The following CBLIF variants were observed in gnomAD, a reference collection of about 807,000 sequenced individuals.
The protein encoded by CBLIF is cobalamin binding intrinsic factor, also known as gastric intrinsic factor (vitamin B synthesis).
A neutral mutation model predicts 44.9 loss-of-function variants in CBLIF; 24 were observed. The ratio of observed to expected loss-of-function variants is 0.53; its 90% CI spans 0.39 to 0.75. The LOEUF (loss-of-function observed/expected upper bound fraction) is 0.75. Ranked by LOEUF, CBLIF falls within the 30% of genes least tolerant of loss-of-function variation. The pLI, the probability that CBLIF is intolerant of heterozygous loss-of-function variation, is 0.00. For synonymous variants in CBLIF, 183 were observed against 190.9 expected, an observed-to-expected ratio of 0.96 and a Z score of 0.34; for missense variants, 481 against 513.0, an observed-to-expected ratio of 0.94 and a Z score of 0.60.
At chr11:59,837,415 A>G (rs2135089937) in intron 5 of CBLIF, 64 bp from the exon 6 acceptor site, 2 of 1,173,704 alleles carry the variant, frequency 1.7e-6, no homozygotes, top group Non-Finnish European at 1.3e-6. Context: ...TGGCTCTTAC[A>G]TGTCTTAAGA....
chr11:59,839,569 A>G (rs1288793200), intron 5 of CBLIF, among the ~76,000 whole-genome samples: 1 of 152,214 alleles, frequency 6.6e-6, no homozygotes, highest in African/African-American at 2.4e-5. Flanking sequence ...CTATATCAGA[A>G]TATTTTAGAT....
In CBLIF at chr11:59,835,861, C is replaced by T. The variant is rs1232879063; in HGVS notation, c.1020G>A (p.Gly340=). Residue 340 remains glycine, a synonymous_variant, in exon 7 of 9, where the codon GGG becomes GGA. Coordinates refer to ENST00000257248, the MANE Select transcript of CBLIF (RefSeq NM_005142.3). The part of the protein sequence containing the change: ...NETINVSVKS[G]SVLLVVLEEA... ...CCTCTAGGACAACAAGTAACACTGACCCACTTTTCACACTAACATTGATGG... is the reference window on the plus strand; with the variant it reads ...CCTCTAGGACAACAAGTAACACTGATCCACTTTTCACACTAACATTGATGG... The T allele has an allele frequency of 6.2e-7, 1 of 1,614,104 alleles. No individual in the cohort carries two copies. The highest frequency in any genetic ancestry group is 8.5e-7 in the Non-Finnish European group (1 of 1,179,986).
chr11:59,833,926 G>A (rs1866407981), intron 7 of CBLIF, among the ~76,000 whole-genome samples: 1 of 152,152 alleles, frequency 6.6e-6, no homozygotes, highest in Non-Finnish European at 1.5e-5. Context: ...AGAGGGGCAT[G>A]GAAAGAACAT....
At chr11:59,831,269 A>G (rs1866369608) in intron 8 of CBLIF, among the ~76,000 whole-genome samples, 1 of 152,182 alleles carries the variant, frequency 6.6e-6, no homozygotes, top group Admixed American at 6.5e-5. Flanking sequence ...AGATTTTTTT[A>G]AGAGAGAAGG....
intron 1 of CBLIF, 55 bp from the exon 2 acceptor site, chr11:59,844,110 CATT>C: frequency 7.6e-7 from 1 of 1,322,544 alleles, no homozygotes; most frequent in Non-Finnish European, 1.1e-6. Context: ...TTCTCAAAAA[CATT>C]ATCCCCGTGT....
At chr11:59,843,696 T>C (rs1866569038) in intron 2 of CBLIF, among the ~76,000 whole-genome samples, 183 bp downstream of exon 2, 1 of 152,194 alleles carries the variant, frequency 6.6e-6, no homozygotes, top group Non-Finnish European at 1.5e-5. Flanking sequence ...ACCTCCTCCA[T>C]GAATGCTCTG....
chr11:59,839,916 A>C (rs1565209236), intron 5 of CBLIF, among the ~76,000 whole-genome samples: 1 of 151,932 alleles, frequency 6.6e-6, no homozygotes, highest in Admixed American at 6.6e-5. Flanking sequence ...TCCCCAAACC[A>C]TCTTTTATAT....
chr11:59,842,612 G>T, intron 3 of CBLIF, 29 bp from the exon 4 acceptor site: 1 of 1,609,216 alleles, frequency 6.2e-7, no homozygotes, highest in South Asian at 1.1e-5. Flanking sequence ...ACCTTCATCA[G>T]ACTCACAGTC....
At chr11:59,834,620 T>C (rs1866429672) in intron 7 of CBLIF, among the ~76,000 whole-genome samples, 1 of 151,876 alleles carries the variant, frequency 6.6e-6, no homozygotes, top group African/African-American at 2.4e-5. Context: ...CTCGAACTCC[T>C]ACCCTCAACT....
rs1866466592 is a variant in CBLIF at position 59,837,184 on chromosome 11, A to G, written c.861T>C (p.Thr287=). 1 of 1,613,188 alleles carries G rather than the reference A, an allele frequency of 6.2e-7. No homozygotes were observed. The highest frequency in any genetic ancestry group is 8.5e-7 in the Non-Finnish European group (1 of 1,179,110). The part of the protein sequence containing the change: ...GKTYLDVPQV[T]CSPDHEVQPT... Reference sequence around the variant, plus strand: ...AGGTGGATGTCTTACCAGGACTACAAGTGACCTGGGGCACATCTAGGTATG... The same window carrying G: ...AGGTGGATGTCTTACCAGGACTACAGGTGACCTGGGGCACATCTAGGTATG... Residue 287 remains threonine (T), a synonymous_variant, in exon 6 of 9, where the codon ACT becomes ACC. Transcript: ENST00000257248.
chr11:59,841,391 A>G, intron 4 of CBLIF, 67 bp from the exon 5 acceptor site: 2 of 1,074,272 alleles, frequency 1.9e-6, no homozygotes. Flanking sequence ...GCTAACATTT[A>G]TTGTGTGCTT....
intron 8 of CBLIF, among the ~76,000 whole-genome samples, chr11:59,830,886 A>G (rs1866364239): frequency 6.6e-6 from 1 of 152,194 alleles, no homozygotes; most frequent in Admixed American, 6.5e-5. Flanking sequence ...ATGCTTTGCT[A>G]CAACTCCACA....
At position 59,837,185 on chromosome 11, in the gene CBLIF, G is replaced by A; in HGVS notation, c.860C>T (p.Thr287Ile). The A allele has an allele frequency of 2.5e-6, 4 of 1,613,262 alleles. 1 individual carries two copies. In the South Asian group the frequency reaches 3.3e-5, roughly 13 times the overall value. The change falls in exon 6 of 9, where the codon ACT becomes ATT. Residue 287 changes from threonine (T) to isoleucine (I), a missense_variant. Thr to Ile is a moderately conservative substitution (Grantham distance 89). Transcript: ENST00000257248. ...GKTYLDVPQVTCSPDHEVQPT... is the reference protein window; with the variant it reads ...GKTYLDVPQVICSPDHEVQPT... ...GGTGGATGTCTTACCAGGACTACAA[G>A]TGACCTGGGGCACATCTAGGTATGT...
At chr11:59,831,982 C>A (rs1866381030) in intron 7 of CBLIF, among the ~76,000 whole-genome samples, 186 bp from the exon 8 acceptor site, 1 of 152,134 alleles carries the variant, frequency 6.6e-6, no homozygotes, top group South Asian at 2.1e-4. Context: ...TGGGCTCAAG[C>A]ATCCACCCGC....
In CBLIF at chr11:59,837,075, A is replaced by G; in HGVS notation, c.871+99T>C. On this transcript the variant is annotated intron_variant, in intron 6 of 8. Transcript: ENST00000257248. ...AGATGTACTCTGCCCACATGGGAAT[A>G]ATGGACATTACAAGCCTATATGCCA... The G allele has an allele frequency of 3.2e-6, 3 of 926,608 alleles. No homozygotes were observed. In the South Asian group the frequency reaches 4.0e-5, roughly 12 times the overall value. The allele number at this position is 926,608 out of a possible 1,614,324, so 57.4% of individuals were successfully genotyped here.
At chr11:59,838,589 C>T (rs1479713179) in intron 5 of CBLIF, among the ~76,000 whole-genome samples, 1 of 152,154 alleles carries the variant, frequency 6.6e-6, no homozygotes, top group Non-Finnish European at 1.5e-5. Flanking sequence ...TGAACCTCAG[C>T]ATCTATGAAG....
chr11:59,839,979 G>A (rs911839783), intron 5 of CBLIF, among the ~76,000 whole-genome samples: 3 of 152,044 alleles, frequency 2.0e-5, no homozygotes, highest in African/African-American at 7.2e-5. Context: ...AGAGCACTGG[G>A]AATGTTCTTG....
Position 59,843,883 on chromosome 11 carries a change from G to A in CBLIF, c.252C>T (p.Asn84=). The change falls in exon 2 of 9, where the codon AAC becomes AAT. Residue 84 remains asparagine (N), a synonymous_variant. Coordinates refer to ENST00000257248, the MANE Select transcript of CBLIF (RefSeq NM_005142.3). ...CGAGCGGCTCAGATGTCTCACCGTT[G>A]TTGTCGCTGGACATGAGCTGGTAAG... is the stretch of plus-strand genomic sequence containing the variant. The part of the protein sequence containing the change: ...LLTYQLMSSD[N]NDLTIGQLGL... The A allele has an allele frequency of 6.2e-7, 1 of 1,611,744 alleles. No homozygotes were observed. The highest frequency in any genetic ancestry group is 1.3e-5 in the African/African-American group (1 of 74,974).
At chr11:59,830,129 T>C (rs1026201817) in intron 8 of CBLIF, among the ~76,000 whole-genome samples, 1 of 152,010 alleles carries the variant, frequency 6.6e-6, no homozygotes, top group Non-Finnish European at 1.5e-5. Context: ...CAGGCCCAAA[T>C]ATTTTTGTTT....
Sources: allele counts gnomAD v4.1 joint callset (sites outside exome capture counted in the v4.1 genomes callset), GRCh38; gene constraint gnomAD v4.1.1; transcripts MANE v1.5; gene names NCBI Gene and HGNC (gene_info 2026-07-23, HGNC 2026-07-21).